MYO5B: variants seen among roughly 807,000 people sequenced by gnomAD.
MYO5B encodes the protein myosin VB.
MYO5B carries 143 observed loss-of-function variants against 229.3 expected under a neutral mutation model. The ratio of observed to expected loss-of-function variants is 0.62; its 90% CI spans 0.54 to 0.72. The LOEUF is 0.72. Among genes scored for constraint, MYO5B ranks in the 30% least tolerant of loss-of-function variants. The pLI is 0.00. For synonymous variants in MYO5B, 918 were observed against 885.2 expected, an observed-to-expected ratio of 1.04 and a Z score of -0.66; for missense variants, 2,321 against 2,331.0, an observed-to-expected ratio of 1.00 and a Z score of 0.09.
intron 1 of MYO5B, chr18:50,063,663 T>C (rs2030746340): frequency 6.6e-6 from 1 of 152,200 alleles, no homozygotes; most frequent in Non-Finnish European, 1.5e-5. Flanking sequence ...ACATTTCCTA[T>C]CATTTAAATG....
At chr18:49,962,173 TCA>T (rs1415602309) in intron 12 of MYO5B, 91 bp downstream of exon 12, 1 of 1,546,362 alleles carries the variant, frequency 6.5e-7, no homozygotes, top group Non-Finnish European at 8.9e-7. Flanking sequence ...GGCCAGCTGA[TCA>T]CAGATGAAAT....
In MYO5B at chr18:49,991,789, G is replaced by A. The variant is rs191249376; in HGVS notation, c.756+499C>T. Among the ~76,000 whole-genome samples the A allele has an allele frequency of 4.6e-5, 7 of 152,212 alleles. No individual in the cohort carries two copies. In the East Asian group the frequency reaches 7.7e-4, roughly 17 times the overall value. On this transcript the variant is annotated intron_variant, in intron 6 of 39. Transcript: ENST00000285039. ...GTATACCTATGTAACAAACCTGCAC[G>A]TTCTGTACATGTATCCCAGAACTTA...
intron 1 of MYO5B, among the ~76,000 whole-genome samples, chr18:50,111,266 T>A (rs1447018516): frequency 1.3e-5 from 2 of 152,186 alleles, no homozygotes; most frequent in Non-Finnish European, 2.9e-5. Context: ...CTGTAGCATT[T>A]TTTGCTAGTG....
At chr18:49,961,390 T>TTC (rs1030337905) in intron 12 of MYO5B, among the ~76,000 whole-genome samples, 3 of 152,222 alleles carry the variant, frequency 2.0e-5, no homozygotes, top group Admixed American at 2.0e-4. Flanking sequence ...TTTCTCTGTC[T>TTC]TCTACTGTTT....
chr18:50,119,467 T>C (rs887047152), intron 1 of MYO5B, among the ~76,000 whole-genome samples: 2 of 152,206 alleles, frequency 1.3e-5, no homozygotes, highest in Non-Finnish European at 2.9e-5. Flanking sequence ...CAGAGTAATC[T>C]CGTGGGCTGT....
chr18:50,189,978 A>G (rs923143927), intron 1 of MYO5B, among the ~76,000 whole-genome samples: 5 of 152,208 alleles, frequency 3.3e-5, no homozygotes, highest in African/African-American at 1.2e-4. Flanking sequence ...GTAACCTCCC[A>G]GCAGCACTCA....
chr18:50,080,666 T>C (rs1010614311), intron 1 of MYO5B, among the ~76,000 whole-genome samples: 2 of 152,154 alleles, frequency 1.3e-5, no homozygotes, highest in African/African-American at 4.8e-5. Context: ...GCCTATTGAA[T>C]CAAGAGCCTC....
intron 18 of MYO5B, among the ~76,000 whole-genome samples, chr18:49,908,552 C>T (rs991326389): frequency 3.3e-5 from 5 of 152,216 alleles, no homozygotes; most frequent in African/African-American, 1.2e-4. Context: ...AAGTCTCCAA[C>T]TGCAGCATCC....
At chr18:50,151,046 C>G (rs2032590589) in intron 1 of MYO5B, among the ~76,000 whole-genome samples, 1 of 152,198 alleles carries the variant, frequency 6.6e-6, no homozygotes, top group Non-Finnish European at 1.5e-5. Context: ...GAGCCTTCCT[C>G]TGTCCTCCTG....
At chr18:50,109,702 A>C (rs1057459759) in intron 1 of MYO5B, among the ~76,000 whole-genome samples, 1 of 152,212 alleles carries the variant, frequency 6.6e-6, no homozygotes, top group Admixed American at 6.5e-5. Context: ...CTGGGATTAC[A>C]GGCATGAGCC....
chr18:50,128,844 G>A (rs558073743), intron 1 of MYO5B, among the ~76,000 whole-genome samples: 8 of 152,344 alleles, frequency 5.3e-5, no homozygotes, highest in Admixed American at 1.3e-4. Flanking sequence ...GTGGCCCAGT[G>A]AGAAGGGGGA....
intron 9 of MYO5B, among the ~76,000 whole-genome samples, chr18:49,975,533 CT>C (rs901068686): frequency 3.9e-5 from 6 of 151,998 alleles, no homozygotes; most frequent in South Asian, 4.2e-4. Context: ...AGAAACTGAA[CT>C]TTTTTTTCCC....
chr18:49,890,542 A>G (rs982180377), intron 22 of MYO5B, among the ~76,000 whole-genome samples: 20 of 152,366 alleles, frequency 1.3e-4, no homozygotes, highest in African/African-American at 4.6e-4. Flanking sequence ...GCAACATGCT[A>G]AAGAACTGTC....
At chr18:49,890,342 T>G (rs2024696009) in intron 22 of MYO5B, among the ~76,000 whole-genome samples, 1 of 150,330 alleles carries the variant, frequency 6.7e-6, no homozygotes, top group African/African-American at 2.4e-5. Flanking sequence ...GTTTCAGGAC[T>G]CATTCAACAC....
intron 4 of MYO5B, among the ~76,000 whole-genome samples, chr18:50,035,355 G>A (rs1338357460): frequency 6.6e-6 from 1 of 152,176 alleles, no homozygotes; most frequent in Non-Finnish European, 1.5e-5. Context: ...GTATAACATG[G>A]TAAGAACCAA....
rs202012685 is a variant in MYO5B at position 49,921,660 on chromosome 18, A to G, written c.2090+7852T>C. ...ACCCGGCAGCTACTGCTGTCCTGCA[A>G]TGCTGCATTCCTGCTCTCTGGCTTG... On this transcript the variant is annotated intron_variant, in intron 17 of 39. Transcript: ENST00000285039. Among the ~76,000 whole-genome samples the G allele has an allele frequency of 1.1e-4, 16 of 152,330 alleles. No individual in the cohort carries two copies. In the East Asian group the frequency reaches 1.4e-3, roughly 13 times the overall value.
chr18:50,011,879 T>C (rs571064701), intron 4 of MYO5B, among the ~76,000 whole-genome samples: 1 of 151,872 alleles, frequency 6.6e-6, no homozygotes, highest in Non-Finnish European at 1.5e-5. Context: ...ACGGTGGGTA[T>C]AGTTAGGGCC....
chr18:50,100,170 A>C (rs566248970), intron 1 of MYO5B, among the ~76,000 whole-genome samples: 1 of 152,380 alleles, frequency 6.6e-6, no homozygotes, highest in African/African-American at 2.4e-5. Context: ...CTACATGAGC[A>C]CATCTGTTTG....
intron 21 of MYO5B, 133 bp downstream of exon 21, chr18:49,902,461 T>C: frequency 8.3e-7 from 1 of 1,207,904 alleles, no homozygotes; most frequent in Admixed American, 1.8e-5. Flanking sequence ...AGTTAGTATC[T>C]GCTGTGGTCT....
Sources: allele counts gnomAD v4.1 joint callset (sites outside exome capture counted in the v4.1 genomes callset), GRCh38; gene constraint gnomAD v4.1.1; transcripts MANE v1.5; gene names NCBI Gene and HGNC (gene_info 2026-07-23, HGNC 2026-07-21).